PKD1L1: variants seen among roughly 807,000 people sequenced by gnomAD.
PKD1L1 encodes the protein polycystin 1 like 1, transient receptor potential channel interacting.
A neutral mutation model predicts 323.4 loss-of-function variants in PKD1L1; 236 were observed. The ratio of observed to expected loss-of-function variants is 0.73; its 90% CI spans 0.66 to 0.81. The LOEUF (loss-of-function observed/expected upper bound fraction) is 0.81. Ranked by LOEUF, PKD1L1 falls within the 40% of genes least tolerant of loss-of-function variation. The pLI is 0.00. For missense variants in PKD1L1, 3,320 were observed against 3,508.0 expected, an observed-to-expected ratio of 0.95 and a Z score of 1.35; for synonymous variants, 1,344 against 1,335.0, an observed-to-expected ratio of 1.01 and a Z score of -0.15.
intron 2 of PKD1L1, among the ~76,000 whole-genome samples, chr7:47,943,063 G>A (rs1379022487): frequency 5.3e-5 from 8 of 150,090 alleles, no homozygotes; most frequent in Admixed American, 2.0e-4. Flanking sequence ...GGAGAATGGC[G>A]TGAACCCAGG....
At position 47,894,200 on chromosome 7, in the gene PKD1L1, T is replaced by C. The variant is rs959599732; in HGVS notation, c.2272-141A>G. 3.7e-5 allele frequency: 25 copies of C among 674,402 alleles called. No homozygotes were observed. The South Asian group carries it at 4.0e-4, about 11-fold the overall frequency. The allele number at this position is 674,402 out of a possible 1,614,324, so 41.8% of individuals were successfully genotyped here. ...GCTCCAACTAAAACAGTCTTGGTAG[T>C]CAAAATAACCACTCTACTGTACGAC... On this transcript the variant is annotated intron_variant, in intron 14 of 56. Transcript: ENST00000289672.
chr7:47,937,259 T>TGGGGGGGGGGGGGGGG (rs10610147), intron 3 of PKD1L1, among the ~76,000 whole-genome samples: 1 of 73,088 alleles, frequency 1.4e-5, no homozygotes, highest in Non-Finnish European at 2.6e-5. Flanking sequence ...GGGGTGGGGG[T>TGGGGGGGGGGGGGGGG]GGGGGGGGGG....
intron 22 of PKD1L1, 38 bp from the exon 23 acceptor site, chr7:47,876,255 G>A (rs1174885750): frequency 6.2e-7 from 1 of 1,606,274 alleles, no homozygotes; most frequent in Non-Finnish European, 8.5e-7. Context: ...TAGTATAAAT[G>A]AACACACTGT....
rs1248800589 is a variant in PKD1L1, at chr7:47,914,912, G to A, written c.1228+520C>T. Among the ~76,000 whole-genome samples the A allele has an allele frequency of 2.6e-5, 4 of 152,138 alleles. No homozygotes were observed. In the East Asian group the frequency reaches 5.8e-4, roughly 22 times the overall value. On this transcript the variant is annotated intron_variant, in intron 8 of 56. Transcript: ENST00000289672. ...GAGGGACACAGGGCTGCAACTCCCT[G>A]TAACCTCCTGAGCAGCCATGCTGCT...
chr7:47,889,347 G>T (rs1366620158), intron 16 of PKD1L1, among the ~76,000 whole-genome samples: 1 of 151,770 alleles, frequency 6.6e-6, no homozygotes, highest in Non-Finnish European at 1.5e-5. Flanking sequence ...TTTTGGAATA[G>T]AAGTATTTAG....
intron 56 of PKD1L1, among the ~76,000 whole-genome samples, chr7:47,792,284 C>T (rs1384483413): frequency 6.6e-6 from 1 of 151,862 alleles, no homozygotes; most frequent in African/African-American, 2.4e-5. Context: ...CTTGAGATTA[C>T]TGGTCACATT....
chr7:47,790,497 A>T (rs1249219017), intron 56 of PKD1L1, among the ~76,000 whole-genome samples: 1 of 150,754 alleles, frequency 6.6e-6, no homozygotes, highest in Non-Finnish European at 1.5e-5. Flanking sequence ...TACTCGGCTA[A>T]TTTTTTTGTA....
Position 47,858,752 on chromosome 7 carries a change from TC to T in PKD1L1, c.4282del (p.Glu1428LysfsTer32), listed in dbSNP as rs1785958006. Reference protein sequence around the residue: ...ELIGLISRVWEVSEQENSKEE... With the variant: ...ELIGLISRVWXVSEQENSKEE... Reference sequence around the variant, plus strand: ...CTTCGAGTTTTCTTGCTCAGAGACTTCCCAGACTCTGGATATGAGACCGATG... The same window carrying T: ...CTTCGAGTTTTCTTGCTCAGAGACTTCCAGACTCTGGATATGAGACCGATG... On this transcript the variant is annotated frameshift_variant, in exon 27 of 57. Coordinates refer to ENST00000289672, the MANE Select transcript of PKD1L1 (RefSeq NM_138295.5). LOFTEE classifies it high-confidence loss of function. 6.2e-7 allele frequency: 1 copy of T among 1,613,920 alleles called. No homozygotes were observed.
chr7:47,886,493 T>A (rs1786688153), intron 17 of PKD1L1, among the ~76,000 whole-genome samples: 1 of 152,152 alleles, frequency 6.6e-6, no homozygotes, highest in African/African-American at 2.4e-5. Flanking sequence ...TAATCCCCAG[T>A]GTTGGAGGGG....
chr7:47,919,621 T>G (rs1227622306), intron 7 of PKD1L1, among the ~76,000 whole-genome samples: 1 of 151,862 alleles, frequency 6.6e-6, no homozygotes, highest in Non-Finnish European at 1.5e-5. Context: ...CTGGAATCCT[T>G]AAAACACTAG....
At chr7:47,945,318 A>G (rs999346743) in intron 1 of PKD1L1, among the ~76,000 whole-genome samples, 1 of 152,210 alleles carries the variant, frequency 6.6e-6, no homozygotes, top group African/African-American at 2.4e-5. Context: ...TATCTTAAGC[A>G]AGGTTTCTAC....
chr7:47,780,744 T>C (rs1786673770), intron 56 of PKD1L1, among the ~76,000 whole-genome samples: 1 of 152,176 alleles, frequency 6.6e-6, no homozygotes, highest in Non-Finnish European at 1.5e-5. Flanking sequence ...TGTGGATCAA[T>C]AGTCTTTTTG....
At chr7:47,813,883 C>T (rs1162672733) in intron 48 of PKD1L1, 48 bp downstream of exon 48, 1 of 1,525,820 alleles carries the variant, frequency 6.6e-7, no homozygotes, top group Non-Finnish European at 9.1e-7. Context: ...GCCTAGACTT[C>T]TCTAATTCCA....
intron 25 of PKD1L1, 100 bp from the exon 26 acceptor site, chr7:47,865,372 C>T (rs1786140454): frequency 4.8e-6 from 5 of 1,044,428 alleles, no homozygotes; most frequent in African/African-American, 3.2e-5. Context: ...AGAAATAGTA[C>T]AGATTCCCTG....
intron 50 of PKD1L1, among the ~76,000 whole-genome samples, chr7:47,810,229 C>T (rs1784865999): frequency 6.6e-6 from 1 of 152,168 alleles, no homozygotes; most frequent in African/African-American, 2.4e-5. Context: ...AGGAGCTACA[C>T]ACATAATCAA....
At chr7:47,795,871 A>C in intron 55 of PKD1L1, 118 bp downstream of exon 55, 2 of 1,252,866 alleles carry the variant, frequency 1.6e-6, no homozygotes, top group Non-Finnish European at 2.3e-6. Flanking sequence ...TGGCTTTGCA[A>C]GGAGATTTGG....
intron 4 of PKD1L1, among the ~76,000 whole-genome samples, chr7:47,934,692 G>A (rs913010041): frequency 3.8e-4 from 57 of 151,918 alleles, no homozygotes; most frequent in Non-Finnish European, 3.1e-4. Flanking sequence ...TTTCCACAAT[G>A]TCAGGCTTTT....
At position 47,876,163 on chromosome 7, in the gene PKD1L1, A is replaced by T. The variant is rs759916690; in HGVS notation, c.3718T>A (p.Tyr1240Asn). 1.9e-6 allele frequency: 3 copies of T among 1,614,174 alleles called. No individual in the cohort carries two copies. The highest frequency in any genetic ancestry group is 2.5e-6 in the Non-Finnish European group (3 of 1,180,012). ...QIGNTSKHTL[Y>N]HGRDTQYYFV... Reference sequence around the variant, plus strand: ...TAATACTGGGTGTCTCTCCCATGGTACAAAGTGTGTTTGGAGGTGTTTCCT... The same window carrying T: ...TAATACTGGGTGTCTCTCCCATGGTTCAAAGTGTGTTTGGAGGTGTTTCCT... The change falls in exon 23 of 57, where the codon TAC becomes AAC. Residue 1240 changes from tyrosine (Y) to asparagine (N), a missense_variant. Physicochemically the swap from Tyr to Asn is moderately radical, Grantham distance 143. Coordinates refer to ENST00000289672, the MANE Select transcript of PKD1L1 (RefSeq NM_138295.5).
the PKD1L1 span, among the ~76,000 whole-genome samples, chr7:47,954,754 C>T: frequency 1.3e-5 from 2 of 152,300 alleles, no homozygotes; most frequent in Non-Finnish European, 2.9e-5. Flanking sequence ...TTCCAACCAC[C>T]ACAGGTGGTC....
Sources: allele counts gnomAD v4.1 joint callset (sites outside exome capture counted in the v4.1 genomes callset), GRCh38; gene constraint gnomAD v4.1.1; transcripts MANE v1.5; gene names NCBI Gene and HGNC (gene_info 2026-07-23, HGNC 2026-07-21).